SNAPIN: variants seen among roughly 807,000 people sequenced by gnomAD.
The protein encoded by SNAPIN is SNAP associated protein.
SNAPIN carries 16 observed loss-of-function variants against 15.9 expected under a neutral mutation model. The ratio of observed to expected loss-of-function variants is 1.01; its 90% CI spans 0.68 to 1.53. The LOEUF (loss-of-function observed/expected upper bound fraction) is 1.53, where lower values mean the gene tolerates loss of function less well. SNAPIN is among the 40% of genes most tolerant of loss of function. SNAPIN has a pLI of 0.00. For missense variants in SNAPIN, 186 were observed against 180.1 expected (o/e 1.03, Z -0.19); for synonymous variants, 83 against 76.2 (o/e 1.09, Z -0.46).
chr1:153,659,387 C>A, intron 2 of SNAPIN, 61 bp from the exon 3 acceptor site: 1 of 1,427,088 alleles, frequency 7.0e-7, no homozygotes, highest in Non-Finnish European at 9.9e-7. Context: ...TACCAGCCTG[C>A]TTTCCCTCAG....
At position 153,661,556 on chromosome 1, in the gene SNAPIN, TCTA is replaced by T. The variant is rs769451647; in HGVS notation, c.*258_*260del. On this transcript the variant is annotated 3_prime_UTR_variant, in exon 4 of 4. Coordinates refer to ENST00000368685, the MANE Select transcript of SNAPIN (RefSeq NM_012437.6). ...TTCCTTTCACAAATGAGCTGAGGCC[TCTA>T]CTTTTTTTTTTAAGCTGCATACGTG... 1.3e-5 allele frequency: 4 copies of T among 304,306 alleles called. No individual in the cohort carries two copies. The highest frequency in any genetic ancestry group is 8.5e-5 in the African/African-American group (4 of 47,262). 18.9% of individuals were successfully genotyped at this position (304,306 alleles called of 1,614,324 possible).
chr1:153,661,235 G>C lies in SNAPIN; in HGVS notation c.345G>C (p.Lys115Asn). 2 of 1,613,802 alleles carry C rather than the reference G, an allele frequency of 1.2e-6. No homozygotes were observed. The highest frequency in any genetic ancestry group is 1.7e-6 in the Non-Finnish European group (2 of 1,179,828). Residue 115 changes from lysine (K) to asparagine (N), a missense_variant, in exon 4 of 4, where the codon AAG (lysine) becomes AAC (asparagine). Physicochemically the swap from Lys to Asn is moderately conservative, Grantham distance 94. Transcript: ENST00000368685. Reference protein sequence around the residue: ...RLRRLNHSVAKETARRRAMLD... With the variant: ...RLRRLNHSVANETARRRAMLD... ...GACGGCTAAACCACAGTGTTGCCAA[G>C]GAAACAGCCCGCAGGAGAGCAATGC...
rs955754167 is a variant in SNAPIN at position 153,659,562 on chromosome 1, C to T, written c.305C>T (p.Ala102Val). 7.5e-6 allele frequency: 12 copies of T among 1,604,946 alleles called. No individual in the cohort carries two copies. The highest frequency in any genetic ancestry group is 1.0e-5 in the Non-Finnish European group (12 of 1,171,802). ...TTGGTTAACAACATTCTACAGAATG[C>T]TCAGGTAAAAGAATATCTTACCAAC... ...VVLVNNILQN[A>V]QERLRRLNHS... Residue 102 changes from alanine (A) to valine (V), a missense_variant, in exon 3 of 4, where the codon GCT becomes GTT. By Grantham distance (64) the Ala-to-Val change is moderately conservative (BLOSUM62 0). Transcript: ENST00000368685.
In SNAPIN at chr1:153,658,785, C is replaced by A. The variant is rs1307613295; in HGVS notation, c.42C>A (p.Thr14=). The change falls in exon 1 of 4, where the codon ACC becomes ACA. Residue 14 remains threonine, a synonymous_variant. Coordinates refer to ENST00000368685, the MANE Select transcript of SNAPIN (RefSeq NM_012437.6). ...AGSAAVSGAG[T]PVAGPTGRDL... is the part of the protein sequence containing the mutation. ...CCGCCGCTGTATCGGGGGCAGGGAC[C>A]CCGGTGGCGGGGCCCACAGGCCGCG... The A allele has an allele frequency of 6.3e-7, 1 of 1,584,260 alleles. No homozygotes were observed. The highest frequency in any genetic ancestry group is 1.4e-5 in the African/African-American group (1 of 73,040).
rs781281631 is a variant in SNAPIN, at chr1:153,661,222, A to G, written c.332A>G (p.His111Arg). The G allele has an allele frequency of 6.2e-7, 1 of 1,613,768 alleles. No homozygotes were observed. Among genetic ancestry groups the G allele is most frequent in the Non-Finnish European group, 8.5e-7 (1 of 1,179,796 alleles). ...TAGGAACGACTGAGACGGCTAAACCACAGTGTTGCCAAGGAAACAGCCCGC... is the reference window on the plus strand; with the variant it reads ...TAGGAACGACTGAGACGGCTAAACCGCAGTGTTGCCAAGGAAACAGCCCGC... ...NAQERLRRLN[H>R]SVAKETARRR... The change falls in exon 4 of 4, where the codon CAC (histidine) becomes CGC (arginine). Residue 111 changes from histidine to arginine, a missense_variant. Physicochemically the swap from His to Arg is conservative, Grantham distance 29. Coordinates refer to ENST00000368685, the MANE Select transcript of SNAPIN (RefSeq NM_012437.6).
rs1669097144 is a variant in SNAPIN at position 153,659,525 on chromosome 1, C to T, written c.268C>T (p.Arg90Ter). The change falls in exon 3 of 4, where the codon CGA becomes TGA. Residue 90 changes from arginine (R) to a stop codon, truncating the protein, a stop_gained. Transcript: ENST00000368685. LOFTEE classifies it high-confidence loss of function. Reference protein sequence around the residue: ...PYVKKLLNARRRVVLVNNILQ... With the variant: ...PYVKKLLNAR ...TGTTAAGAAGCTACTTAATGCCCGG[C>T]GACGCGTTGTCTTGGTTAACAACAT... The T allele has an allele frequency of 6.2e-7, 1 of 1,613,900 alleles. No homozygotes were observed.
rs1347876556 is a variant in SNAPIN at position 153,661,215 on chromosome 1, C to A, written c.325C>A (p.Leu109Ile). Reference sequence around the variant, plus strand: ...TGTCTTGTAGGAACGACTGAGACGGCTAAACCACAGTGTTGCCAAGGAAAC... The same window carrying A: ...TGTCTTGTAGGAACGACTGAGACGGATAAACCACAGTGTTGCCAAGGAAAC... ...LQNAQERLRR[L>I]NHSVAKETAR... Residue 109 changes from leucine (L) to isoleucine (I), a missense_variant, in exon 4 of 4, where the codon CTA becomes ATA. By Grantham distance (5) the Leu-to-Ile change is conservative (BLOSUM62 2). Coordinates refer to ENST00000368685, the MANE Select transcript of SNAPIN (RefSeq NM_012437.6). 3 of 1,613,544 alleles carry A rather than the reference C, an allele frequency of 1.9e-6. No individual in the cohort carries two copies. Among genetic ancestry groups the A allele is most frequent in the Non-Finnish European group, 2.5e-6 (3 of 1,179,728 alleles).
At position 153,659,046 on chromosome 1, in the gene SNAPIN, G is replaced by A. The variant is rs577959877; in HGVS notation, c.144-92G>A. On this transcript the variant is annotated intron_variant, in intron 1 of 3. Transcript: ENST00000368685. The stretch of plus-strand genomic sequence containing the variant: ...GCAGGTGGAGGGTTCAGCGGAGGCC[G>A]GCTTCTCTCAGTACTTGGTAAATAC... 3 of 1,557,122 alleles carry A rather than the reference G, an allele frequency of 1.9e-6. No individual in the cohort carries two copies. In the Admixed American group the frequency reaches 5.2e-5, roughly 27 times the overall value.
At chr1:153,660,139 C>T (rs954668913) in intron 3 of SNAPIN, among the ~76,000 whole-genome samples, 2 of 152,124 alleles carry the variant, frequency 1.3e-5, no homozygotes, top group African/African-American at 4.8e-5. Context: ...CCATCCACCT[C>T]AGCCTCCCAA....
chr1:153,659,259 C>A, intron 2 of SNAPIN, 75 bp downstream of exon 2: 5 of 1,501,028 alleles, frequency 3.3e-6, no homozygotes, highest in Non-Finnish European at 4.6e-6. Flanking sequence ...AACCCCTGGG[C>A]TGAGTTTCTG....
chr1:153,659,827 C>T (rs764396492), intron 3 of SNAPIN, among the ~76,000 whole-genome samples: 2 of 152,022 alleles, frequency 1.3e-5, no homozygotes, highest in Non-Finnish European at 2.9e-5. Flanking sequence ...GCAACCTCCG[C>T]CCCCTGGGCT....
chr1:153,660,901 C>T (rs1318407446), intron 3 of SNAPIN, among the ~76,000 whole-genome samples: 2 of 151,632 alleles, frequency 1.3e-5, no homozygotes, highest in Non-Finnish European at 2.9e-5. Flanking sequence ...TCTCCTGCCT[C>T]AGATTACAAG....
Position 153,661,226 on chromosome 1 carries a change from T to C in SNAPIN, c.336T>C (p.Ser112=), listed in dbSNP as rs1571332194. Residue 112 remains serine (S), a synonymous_variant, in exon 4 of 4, where the codon AGT becomes AGC. Transcript: ENST00000368685. Reference sequence around the variant, plus strand: ...AACGACTGAGACGGCTAAACCACAGTGTTGCCAAGGAAACAGCCCGCAGGA... The same window carrying C: ...AACGACTGAGACGGCTAAACCACAGCGTTGCCAAGGAAACAGCCCGCAGGA... The part of the protein sequence containing the change: ...AQERLRRLNH[S]VAKETARRRA... 3 of 1,613,826 alleles carry C rather than the reference T, an allele frequency of 1.9e-6. No individual in the cohort carries two copies. Among genetic ancestry groups the C allele is most frequent in the African/African-American group, 1.3e-5 (1 of 75,020 alleles).
chr1:153,659,307 C>T, intron 2 of SNAPIN, 123 bp downstream of exon 2: 2 of 1,278,372 alleles, frequency 1.6e-6, no homozygotes, highest in Non-Finnish European at 2.3e-6. Flanking sequence ...CCAAAGGACT[C>T]CTCCTTTCAG....
intron 1 of SNAPIN, 78 bp downstream of exon 1, chr1:153,658,964 G>A: frequency 6.3e-7 from 1 of 1,597,406 alleles, no homozygotes; most frequent in African/African-American, 1.3e-5. Flanking sequence ...GTTCTGGCTG[G>A]GAGTGGGCAT....
intron 3 of SNAPIN, 33 bp downstream of exon 3, chr1:153,659,599 G>GC (rs1337313877): frequency 1.3e-6 from 2 of 1,486,614 alleles, no homozygotes; most frequent in Admixed American, 3.3e-5. Flanking sequence ...GTGATTCTTT[G>GC]CCCTTTTTTG....
At chr1:153,659,363 G>A in intron 2 of SNAPIN, 85 bp from the exon 3 acceptor site, 1 of 1,313,422 alleles carries the variant, frequency 7.6e-7, no homozygotes, top group Non-Finnish European at 1.1e-6. Flanking sequence ...GGGTGCAAGT[G>A]TTTTCCATCC....
At chr1:153,660,979 A>G (rs1252900041) in intron 3 of SNAPIN, among the ~76,000 whole-genome samples, 1 of 151,718 alleles carries the variant, frequency 6.6e-6, no homozygotes, top group Non-Finnish European at 1.5e-5. Flanking sequence ...CATGTTGGTC[A>G]GGCTGGTCTT....
chr1:153,659,182 C>G lies in SNAPIN; in HGVS notation c.188C>G (p.Thr63Arg). The G allele has an allele frequency of 6.2e-7, 1 of 1,614,144 alleles. No homozygotes were observed. Among genetic ancestry groups the G allele is most frequent in the Non-Finnish European group, 8.5e-7 (1 of 1,179,984 alleles). ...ELREQIDNLA[T>R]ELCRINEDQK... ...CGGGAACAAATTGACAACCTAGCCA[C>G]AGGTGAGTGAGCATCCCTGTGTACC... Residue 63 changes from threonine (T) to arginine (R), a missense_variant and splice_region_variant, in exon 2 of 4, where the codon ACA (threonine) becomes AGA (arginine). By Grantham distance (71) the Thr-to-Arg change is moderately conservative. Transcript: ENST00000368685.
Sources: allele counts gnomAD v4.1 joint callset (sites outside exome capture counted in the v4.1 genomes callset), GRCh38; gene constraint gnomAD v4.1.1; transcripts MANE v1.5; gene names NCBI Gene and HGNC (gene_info 2026-07-23, HGNC 2026-07-21).